The following SCEL variants were observed in gnomAD, a reference collection of about 807,000 sequenced individuals.
SCEL encodes sciellin.
In SCEL, 113 loss-of-function variants were observed where a neutral mutation model predicts 117.6. The ratio of observed to expected loss-of-function variants is 0.96; its 90% CI spans 0.83 to 1.12. The LOEUF is 1.12. SCEL is among the 50% of genes most tolerant of loss of function. SCEL has a pLI of 0.00. For missense variants in SCEL, 785 were observed against 810.8 expected, an observed-to-expected ratio of 0.97 and a Z score of 0.39; for synonymous variants, 270 against 256.2, an observed-to-expected ratio of 1.05 and a Z score of -0.51.
At chr13:77,571,152 G>A (rs1481661302) in intron 8 of SCEL, among the ~76,000 whole-genome samples, 2 of 149,390 alleles carry the variant, frequency 1.3e-5, no homozygotes, top group Non-Finnish European at 3.0e-5. Context: ...TTTAAAAATT[G>A]TATTTTGAGG....
chr13:77,610,560 C>G (rs149486647), intron 22 of SCEL, among the ~76,000 whole-genome samples: 1 of 152,020 alleles, frequency 6.6e-6, no homozygotes, highest in Non-Finnish European at 1.5e-5. Context: ...AAGCACTTAC[C>G]GAAGGCTCTC....
chr13:77,594,871 T>A (rs1332967732), intron 12 of SCEL, among the ~76,000 whole-genome samples: 1 of 152,208 alleles, frequency 6.6e-6, no homozygotes, highest in African/African-American at 2.4e-5. Flanking sequence ...AATGTGACAC[T>A]TGGCTTTTCT....
In SCEL at chr13:77,644,447, A is replaced by G. The variant is rs1413054608; in HGVS notation, c.*173A>G. 5 of 627,154 alleles carry G rather than the reference A, an allele frequency of 8.0e-6. No homozygotes were observed. Among genetic ancestry groups the G allele is most frequent in the Non-Finnish European group, 1.4e-5 (5 of 370,318 alleles). The allele number at this position is 627,154 out of a possible 1,614,324, so 38.8% of individuals were successfully genotyped here. A position where few individuals can be genotyped will look rare whatever the true frequency, so the allele number is the denominator to read the frequency against. ...CTAATTGTCTTCAATAAGGTCACAC[A>G]CATAAAAAGAGCCATCTGGTCTCTG... On this transcript the variant is annotated 3_prime_UTR_variant, in exon 33 of 33. Coordinates refer to ENST00000349847, the MANE Select transcript of SCEL (RefSeq NM_144777.3).
rs531865141 is a variant in SCEL at position 77,563,775 on chromosome 13, C to CT, written c.222-47dup. 1,760 of 1,331,780 alleles carry CT rather than the reference C, an allele frequency of 1.3e-3. 4 individuals are homozygous for CT. In the African/African-American group the frequency reaches 0.013, roughly 10 times the overall value. The allele number at this position is 1,331,780 out of a possible 1,614,324, so 82.5% of individuals were successfully genotyped here. ...CCATATGTATGATAGGTTTTATAAA[C>CT]TTTTTTTTTGTAATTGATTTGATTT... On this transcript the variant is annotated intron_variant, in intron 4 of 32. Transcript: ENST00000349847.
chr13:77,537,472 A>G (rs2083469172), intron 1 of SCEL, among the ~76,000 whole-genome samples: 1 of 152,250 alleles, frequency 6.6e-6, no homozygotes, highest in Non-Finnish European at 1.5e-5. Flanking sequence ...TACCCAGCAC[A>G]TGTGGAAATA....
rs879239932 is a variant in SCEL, at chr13:77,551,120, C to T, written c.-19-4737C>T. Among the ~76,000 whole-genome samples, 7 of 152,254 alleles carry T rather than the reference C, an allele frequency of 4.6e-5. No homozygotes were observed. The East Asian group carries it at 5.8e-4, about 13-fold the overall frequency. On this transcript the variant is annotated intron_variant, in intron 1 of 32. Transcript: ENST00000349847. ...GAGGGCGTGGCTTGGTTTAGAAGCC[C>T]GATGCAGCCTCTTAACACCTTGGAC...
chr13:77,614,244 T>A (rs2088872777), intron 24 of SCEL, among the ~76,000 whole-genome samples: 1 of 152,072 alleles, frequency 6.6e-6, no homozygotes, highest in Non-Finnish European at 1.5e-5. Flanking sequence ...GCTGTTTTGT[T>A]TTGTGTGGTA....
At chr13:77,600,262 G>A (rs758438203) in intron 15 of SCEL, among the ~76,000 whole-genome samples, 3 of 152,054 alleles carry the variant, frequency 2.0e-5, no homozygotes, top group Non-Finnish European at 2.9e-5. Flanking sequence ...CCGAGTAGCT[G>A]GGATTTCAAG....
At chr13:77,613,631 A>G (rs188954084) in intron 23 of SCEL, among the ~76,000 whole-genome samples, 3 of 151,988 alleles carry the variant, frequency 2.0e-5, no homozygotes, top group East Asian at 1.9e-4. Context: ...TCACTTAGGT[A>G]TCTGGCCCCA....
intron 19 of SCEL, 51 bp downstream of exon 19, chr13:77,604,466 G>A (rs370314070): frequency 6.0e-5 from 85 of 1,418,542 alleles, no homozygotes; most frequent in East Asian, 4.6e-4. Context: ...TTAGAAGGAC[G>A]TTAGAATTCT....
At chr13:77,603,643 C>G (rs1164384543) in intron 18 of SCEL, among the ~76,000 whole-genome samples, 1 of 152,162 alleles carries the variant, frequency 6.6e-6, no homozygotes, top group East Asian at 1.9e-4. Flanking sequence ...GTGCTTCTGT[C>G]TTCCCCTCCT....
chr13:77,542,601 C>A lies in SCEL; in HGVS notation c.-20+6777C>A, dbSNP rs191722816. On this transcript the variant is annotated intron_variant, in intron 1 of 32. Transcript: ENST00000349847. Reference sequence around the variant, plus strand: ...AGAAGGCTAAATGAATCTTTCCCAGCCTGATGATTTTTGGATTTCCTTTTA... The same window carrying A: ...AGAAGGCTAAATGAATCTTTCCCAGACTGATGATTTTTGGATTTCCTTTTA... 2.6e-5 allele frequency among the ~76,000 whole-genome samples: 4 copies of A among 152,264 alleles called. No individual in the cohort carries two copies. The East Asian group carries it at 7.7e-4, about 29-fold the overall frequency.
chr13:77,628,430 A>G (rs1364234899), intron 28 of SCEL, among the ~76,000 whole-genome samples: 1 of 152,018 alleles, frequency 6.6e-6, no homozygotes, highest in Non-Finnish European at 1.5e-5. Flanking sequence ...GCCTAGTGCT[A>G]AAAGAATGCA....
At chr13:77,596,593 C>T (rs551787593) in intron 12 of SCEL, among the ~76,000 whole-genome samples, 10 of 152,108 alleles carry the variant, frequency 6.6e-5, no homozygotes, top group African/African-American at 1.9e-4. Flanking sequence ...AGTCCTGGAT[C>T]GTACTCCATG....
intron 1 of SCEL, among the ~76,000 whole-genome samples, chr13:77,547,960 C>T (rs2084087560): frequency 6.6e-6 from 1 of 152,124 alleles, no homozygotes; most frequent in African/African-American, 2.4e-5. Flanking sequence ...TTCCCAGTTG[C>T]CTCTTCCTTA....
At chr13:77,579,075 G>C (rs537194666) in intron 9 of SCEL, among the ~76,000 whole-genome samples, 23 of 152,236 alleles carry the variant, frequency 1.5e-4, no homozygotes, top group Admixed American at 5.2e-4. Context: ...AGGTAGGTAG[G>C]GTGAAGGCAG....
intron 9 of SCEL, 77 bp from the exon 10 acceptor site, chr13:77,589,067 T>C (rs982307867): frequency 1.9e-6 from 2 of 1,041,714 alleles, no homozygotes; most frequent in Non-Finnish European, 3.0e-6. Context: ...ATGTAGGCAA[T>C]AAATGCATTC....
chr13:77,572,778 A>T (rs2085716930), intron 9 of SCEL, among the ~76,000 whole-genome samples: 1 of 152,198 alleles, frequency 6.6e-6, no homozygotes, highest in Non-Finnish European at 1.5e-5. Context: ...TAACTGAACT[A>T]ATTACATCTG....
intron 30 of SCEL, among the ~76,000 whole-genome samples, chr13:77,638,687 C>T (rs772996488): frequency 1.8e-4 from 27 of 152,246 alleles, no homozygotes; most frequent in Non-Finnish European, 7.4e-5. Flanking sequence ...TATTTAAGCA[C>T]GTCAATCCTG....
Sources: allele counts gnomAD v4.1 joint callset (sites outside exome capture counted in the v4.1 genomes callset), GRCh38; gene constraint gnomAD v4.1.1; transcripts MANE v1.5; gene names NCBI Gene and HGNC (gene_info 2026-07-23, HGNC 2026-07-21).